The following CAPRIN2 variants were observed in gnomAD, a reference collection of about 807,000 sequenced individuals.
CAPRIN2 encodes the protein caprin-2.
Under a neutral mutation model 130.4 loss-of-function variants are expected in CAPRIN2, and 66 were observed. The observed-to-expected ratio is 0.51, with a 90% CI of 0.42 to 0.62. The LOEUF (loss-of-function observed/expected upper bound fraction) is 0.62, where lower values mean the gene tolerates loss of function less well. Among genes scored for constraint, CAPRIN2 ranks in the 20% least tolerant of loss-of-function variants. The pLI, the probability that CAPRIN2 is intolerant of heterozygous loss-of-function variation, is 0.00. For missense variants in CAPRIN2, 1,185 were observed against 1,246.6 expected, an observed-to-expected ratio of 0.95 and a Z score of 0.74; for synonymous variants, 471 against 444.1, an observed-to-expected ratio of 1.06 and a Z score of -0.76.
At chr12:30,723,102 T>C (rs1289442446) in intron 11 of CAPRIN2, among the ~76,000 whole-genome samples, 157 bp downstream of exon 12, 1 of 152,210 alleles carries the variant, frequency 6.6e-6, no homozygotes, top group East Asian at 1.9e-4. Context: ...GGAATCATTT[T>C]AGGACAAGTC....
chr12:30,733,537 G>A, intron 5 of CAPRIN2, 92 bp downstream of exon 6: 1 of 820,720 alleles, frequency 1.2e-6, no homozygotes. Context: ...AGTTCTGATG[G>A]ACTAACACAG....
intron 2 of CAPRIN2, 127 bp from the exon 4 acceptor site, chr12:30,741,233 A>G: frequency 2.2e-6 from 1 of 463,332 alleles, no homozygotes. Flanking sequence ...ATACACAAAA[A>G]AAGTACTTGC....
intron 2 of CAPRIN2, among the ~76,000 whole-genome samples, chr12:30,747,282 T>C (rs2071025924): frequency 6.6e-6 from 1 of 152,186 alleles, no homozygotes; most frequent in Non-Finnish European, 1.5e-5. Context: ...CCAAGAGCTG[T>C]GATGGAAATA....
At chr12:30,711,843 AC>A in intron 15 of CAPRIN2, 2 of 676,664 alleles carry the variant, frequency 3.0e-6, no homozygotes, top group Non-Finnish European at 2.7e-6. Flanking sequence ...AATTAACCTG[AC>A]CAATCAGATC....
chr12:30,720,703 A>G (rs2059150569), intron 12 of CAPRIN2, 108 bp downstream of exon 13: 2 of 683,454 alleles, frequency 2.9e-6, no homozygotes, highest in Admixed American at 5.0e-5. Flanking sequence ...ATACATTAAT[A>G]AAGTATAAAT....
intron 3 of CAPRIN2, among the ~76,000 whole-genome samples, chr12:30,736,459 C>T (rs901468768): frequency 6.7e-6 from 1 of 150,160 alleles, no homozygotes; most frequent in Non-Finnish European, 1.5e-5. Context: ...GATATAGCAT[C>T]GATATTTTAA....
At chr12:30,723,007 A>G (rs1288761925) in intron 11 of CAPRIN2, among the ~76,000 whole-genome samples, 3 of 152,196 alleles carry the variant, frequency 2.0e-5, no homozygotes, top group African/African-American at 7.2e-5. Flanking sequence ...ATTCTTAGAC[A>G]AGGTACCCTC....
At chr12:30,711,898 TA>T (rs2054890741) in intron 15 of CAPRIN2, 1 of 578,538 alleles carries the variant, frequency 1.7e-6, no homozygotes, top group Non-Finnish European at 3.2e-6. Flanking sequence ...GAATACTATG[TA>T]AAAGATACAA....
intron 2 of CAPRIN2, among the ~76,000 whole-genome samples, chr12:30,744,833 CTT>C (rs2139382921): frequency 6.6e-6 from 1 of 152,172 alleles, no homozygotes; most frequent in African/African-American, 2.4e-5. Flanking sequence ...AGAGTAGATA[CTT>C]AATATATCTT....
chr12:30,739,198 A>G (rs2066206576), intron 3 of CAPRIN2, among the ~76,000 whole-genome samples: 1 of 152,244 alleles, frequency 6.6e-6, no homozygotes, highest in African/African-American at 2.4e-5. Context: ...CGTGGTACAT[A>G]TATATCATGG....
chr12:30,721,846 A>G (rs2059503835), intron 11 of CAPRIN2, among the ~76,000 whole-genome samples: 1 of 152,200 alleles, frequency 6.6e-6, no homozygotes, highest in African/African-American at 2.4e-5. Context: ...GATCTTATGG[A>G]AAAAAATATT....
intron 2 of CAPRIN2, among the ~76,000 whole-genome samples, chr12:30,744,101 G>A (rs2068748436): frequency 6.6e-6 from 1 of 152,090 alleles, no homozygotes. Flanking sequence ...CAAGAAACCT[G>A]AAACCACTCT....
chr12:30,717,456 C>T (rs1474582940), intron 12 of CAPRIN2, among the ~76,000 whole-genome samples: 1 of 152,090 alleles, frequency 6.6e-6, no homozygotes, highest in Non-Finnish European at 1.5e-5. Context: ...TTAATGAGTA[C>T]TGAGTTTCTG....
rs935630483 is a variant in CAPRIN2, at chr12:30,723,161, C to A, written c.2043+98G>T. ...ATGCTTAGAACACTTTTAATAATTT[C>A]ATTAGGTACATGAGAATCAGTAAGT... is the stretch of plus-strand genomic sequence containing the variant. On this transcript the variant is annotated intron_variant, in intron 11 of 16. Coordinates refer to ENST00000298892, the Ensembl canonical transcript of CAPRIN2. The A allele has an allele frequency of 3.9e-5, 32 of 815,432 alleles. No individual in the cohort carries two copies. In the African/African-American group the frequency reaches 5.3e-4, roughly 14 times the overall value. The allele number at this position is 815,432 out of a possible 1,614,324, so 50.5% of individuals were successfully genotyped here.
At chr12:30,741,505 T>C (rs1158476625) in intron 2 of CAPRIN2, among the ~76,000 whole-genome samples, 1 of 152,072 alleles carries the variant, frequency 6.6e-6, no homozygotes, top group Non-Finnish European at 1.5e-5. Flanking sequence ...CTTCAAGACA[T>C]TTATAATACA....
exon 17 of CAPRIN2, chr12:30,709,830 G>A: frequency 6.7e-7 from 1 of 1,498,724 alleles, no homozygotes; most frequent in Non-Finnish European, 9.0e-7. Flanking sequence ...CAGTCATGAG[G>A]GCAAAGACTA....
intron 2 of CAPRIN2, among the ~76,000 whole-genome samples, chr12:30,746,073 C>T (rs556715756): frequency 6.6e-6 from 1 of 152,132 alleles, no homozygotes; most frequent in South Asian, 2.1e-4. Flanking sequence ...GTTTCTCACA[C>T]AATAATTCAA....
At chr12:30,723,414 T>G (rs2059983633) in intron 10 of CAPRIN2, 100 bp from the exon 12 acceptor site, 2 of 770,366 alleles carry the variant, frequency 2.6e-6, no homozygotes, top group Middle Eastern at 5.0e-4. Context: ...AAAAAGACAT[T>G]AGCTGGAAGG....
chr12:30,741,995 A>G (rs1349063848), intron 2 of CAPRIN2, among the ~76,000 whole-genome samples: 1 of 152,200 alleles, frequency 6.6e-6, no homozygotes, highest in Non-Finnish European at 1.5e-5. Context: ...ACATGCTATA[A>G]CATGGATAAA....
Sources: allele counts gnomAD v4.1 joint callset (sites outside exome capture counted in the v4.1 genomes callset), GRCh38; gene constraint gnomAD v4.1.1; transcripts MANE v1.5; gene names NCBI Gene and HGNC (gene_info 2026-07-23, HGNC 2026-07-21).